MKLN1: variants seen among roughly 807,000 people sequenced by gnomAD.
MKLN1 encodes the protein muskelin 1.
MKLN1 carries 18 observed loss-of-function variants against 99.0 expected under a neutral mutation model. That is an observed-to-expected ratio of 0.18 (90% CI 0.13 to 0.27). MKLN1 has a LOEUF of 0.27. Ranked by LOEUF, MKLN1 falls within the 10% of genes least tolerant of loss-of-function variation. The pLI, the probability that MKLN1 is intolerant of heterozygous loss-of-function variation, is 1.00. For synonymous variants in MKLN1, 288 were observed against 293.2 expected (o/e 0.98, Z 0.18); for missense variants, 621 against 875.9 (o/e 0.71, Z 3.67).
intron 1 of MKLN1, among the ~76,000 whole-genome samples, chr7:131,370,099 A>G (rs1449751456): frequency 6.6e-6 from 1 of 152,204 alleles, no homozygotes; most frequent in Non-Finnish European, 1.5e-5. Context: ...CGGCCTTCCA[A>G]AGTGTTGGGA....
At chr7:131,205,892 C>CTTT (rs35341245) in intron 3 of MKLN1, among the ~76,000 whole-genome samples, 6 of 137,522 alleles carry the variant, frequency 4.4e-5, no homozygotes, top group South Asian at 2.3e-4. Flanking sequence ...CTGAGAAAAA[C>CTTT]TTTTTTTTTT....
intron 11 of MKLN1, among the ~76,000 whole-genome samples, chr7:131,444,507 A>G (rs1795937212): frequency 6.6e-6 from 1 of 152,016 alleles, no homozygotes; most frequent in Non-Finnish European, 1.5e-5. Context: ...GAAAAATTAA[A>G]TTGTGAATTC....
intron 3 of MKLN1, among the ~76,000 whole-genome samples, chr7:131,277,246 G>A (rs1378557600): frequency 6.6e-6 from 1 of 151,540 alleles, no homozygotes; most frequent in African/African-American, 2.4e-5. Context: ...TCAGTAGGAT[G>A]ATCTGTATTG....
intron 3 of MKLN1, among the ~76,000 whole-genome samples, chr7:131,302,696 T>C (rs1271071762): frequency 6.6e-6 from 1 of 152,204 alleles, no homozygotes; most frequent in African/African-American, 2.4e-5. Flanking sequence ...GGATATGTGC[T>C]CAACCGGGAT....
At chr7:131,344,462 T>C (rs1201293325) in intron 1 of MKLN1, among the ~76,000 whole-genome samples, 1 of 152,222 alleles carries the variant, frequency 6.6e-6, no homozygotes, top group Non-Finnish European at 1.5e-5. Context: ...TAAGTACTCT[T>C]ATGACCCAGC....
At chr7:131,152,408 T>C (rs575933867) in intron 2 of MKLN1, among the ~76,000 whole-genome samples, 1 of 152,130 alleles carries the variant, frequency 6.6e-6, no homozygotes, top group Non-Finnish European at 1.5e-5. Context: ...ACTAATACAA[T>C]TTTTTAGTAG....
At chr7:131,459,912 G>T (rs113114424) in intron 12 of MKLN1, among the ~76,000 whole-genome samples, 7 of 151,980 alleles carry the variant, frequency 4.6e-5, no homozygotes, top group Non-Finnish European at 1.0e-4. Flanking sequence ...GCTTCGATGG[G>T]TATATCCTCT....
intron 2 of MKLN1, among the ~76,000 whole-genome samples, chr7:131,385,008 G>A (rs935796091): frequency 1.3e-5 from 2 of 152,156 alleles, no homozygotes; most frequent in African/African-American, 4.8e-5. Flanking sequence ...TGTCCACAAA[G>A]AAACTTCATA....
chr7:131,385,786 T>C (rs1226112066), intron 2 of MKLN1, among the ~76,000 whole-genome samples: 3 of 152,110 alleles, frequency 2.0e-5, no homozygotes, highest in Admixed American at 6.5e-5. Flanking sequence ...TTATCAGATA[T>C]ATGATTTGCA....
At chr7:131,213,209 A>G (rs1400530456) in intron 3 of MKLN1, among the ~76,000 whole-genome samples, 1 of 152,166 alleles carries the variant, frequency 6.6e-6, no homozygotes, top group Non-Finnish European at 1.5e-5. Flanking sequence ...GGAAAACTAT[A>G]TTATGCTGTA....
At chr7:131,441,203 A>G (rs947441214) in intron 10 of MKLN1, among the ~76,000 whole-genome samples, 1 of 152,198 alleles carries the variant, frequency 6.6e-6, no homozygotes, top group African/African-American at 2.4e-5. Flanking sequence ...GCTCATTGAT[A>G]TTCTCACTGG....
intron 2 of MKLN1, among the ~76,000 whole-genome samples, chr7:131,376,267 G>T (rs1378782862): frequency 3.4e-5 from 5 of 148,586 alleles, no homozygotes; most frequent in Admixed American, 3.4e-4. Context: ...GCTCAGGCCT[G>T]TTGTCTGGTG....
intron 1 of MKLN1, among the ~76,000 whole-genome samples, chr7:131,131,173 T>C (rs1203949852): frequency 7.1e-6 from 1 of 141,588 alleles, no homozygotes; most frequent in African/African-American, 2.6e-5. Context: ...CTGGGAAATA[T>C]AGTGAGACCT....
At chr7:131,377,597 C>T (rs558629255) in intron 2 of MKLN1, among the ~76,000 whole-genome samples, 2 of 152,040 alleles carry the variant, frequency 1.3e-5, no homozygotes, top group Admixed American at 1.3e-4. Flanking sequence ...AAGGAAAATT[C>T]AGTGATCATA....
chr7:131,403,759 A>T (rs979175152), intron 6 of MKLN1, among the ~76,000 whole-genome samples: 1 of 152,148 alleles, frequency 6.6e-6, no homozygotes, highest in Non-Finnish European at 1.5e-5. Context: ...CACACACAAC[A>T]TGGTGCCTCA....
At chr7:131,425,779 A>T (rs1314582513) in intron 8 of MKLN1, among the ~76,000 whole-genome samples, 1 of 152,176 alleles carries the variant, frequency 6.6e-6, no homozygotes, top group Non-Finnish European at 1.5e-5. Context: ...AAACCAATCT[A>T]CTACCCTACT....
intron 3 of MKLN1, among the ~76,000 whole-genome samples, chr7:131,291,101 T>TTTTATTTTATTTTA (rs550977388): frequency 8.9e-5 from 12 of 134,866 alleles, no homozygotes; most frequent in East Asian, 2.2e-4. Context: ...TCTCATTTTA[T>TTTTATTTTATTTTA]TTTATTTATT....
chr7:131,355,920 C>G (rs1799862478), intron 1 of MKLN1, among the ~76,000 whole-genome samples: 1 of 151,910 alleles, frequency 6.6e-6, no homozygotes, highest in Non-Finnish European at 1.5e-5. Flanking sequence ...TTTTCATCTA[C>G]AAACACTCTA....
At chr7:131,361,946 C>A (rs1206697140) in intron 1 of MKLN1, among the ~76,000 whole-genome samples, 2 of 151,920 alleles carry the variant, frequency 1.3e-5, no homozygotes, top group Non-Finnish European at 2.9e-5. Context: ...TGAAGCTTCT[C>A]AAATCATTTC....
Sources: allele counts gnomAD v4.1 joint callset (sites outside exome capture counted in the v4.1 genomes callset), GRCh38; gene constraint gnomAD v4.1.1; transcripts MANE v1.5; gene names NCBI Gene and HGNC (gene_info 2026-07-23, HGNC 2026-07-21).